PCDHGA4: variants seen among roughly 807,000 people sequenced by gnomAD.
PCDHGA4 encodes protocadherin gamma subfamily A, 4.
A neutral mutation model predicts 54.6 loss-of-function variants in PCDHGA4; 38 were observed. The ratio of observed to expected loss-of-function variants is 0.70; its 90% CI spans 0.54 to 0.91. PCDHGA4 has a LOEUF of 0.91. Among genes scored for constraint, PCDHGA4 ranks in the 40% least tolerant of loss-of-function variants. The pLI, the probability that PCDHGA4 is intolerant of heterozygous loss-of-function variation, is 0.00. For missense variants in PCDHGA4, 1,298 were observed against 1,220.9 expected, an observed-to-expected ratio of 1.06 and a Z score of -0.94; for synonymous variants, 511 against 512.9, an observed-to-expected ratio of 1.00 and a Z score of 0.05.
intron 1 of PCDHGA4, chr5:141,402,866 T>A (rs1339290452): frequency 4.2e-6 from 6 of 1,442,196 alleles, no homozygotes; most frequent in Non-Finnish European, 5.5e-6. Context: ...AAGGAAAAGA[T>A]CACCATACTT....
rs746487145 is a variant in PCDHGA4 at position 141,505,415 on chromosome 5, G to A, written c.2596G>A (p.Gly866Ser). 7.4e-6 allele frequency: 12 copies of A among 1,614,074 alleles called. No individual in the cohort carries two copies. The East Asian group carries it at 1.3e-4, about 18-fold the overall frequency. Residue 866 changes from glycine to serine, a missense_variant, in exon 3 of 4, where the codon GGC (glycine) becomes AGC (serine). Gly to Ser is a moderately conservative substitution (Grantham distance 56, BLOSUM62 0). Coordinates refer to ENST00000571252, the MANE Select transcript of PCDHGA4 (RefSeq NM_018917.4). ...CAGCTCCCAAAATGGCGATGACACC[G>A]GCACCTGGCCCAACAACCAGTTTGA... ...TSGSQNGDDT[G>S]TWPNNQFDTE...
chr5:141,506,834 C>T (rs2099856597), intron 3 of PCDHGA4, among the ~76,000 whole-genome samples: 1 of 152,140 alleles, frequency 6.6e-6, no homozygotes, highest in Non-Finnish European at 1.5e-5. Flanking sequence ...ACTGATAGCC[C>T]TGCCCTCCAG....
rs192995605 is a variant in PCDHGA4 at position 141,395,094 on chromosome 5, G to C, written c.2514+37473G>C. 2.2e-4 allele frequency: 348 copies of C among 1,614,160 alleles called. 5 individuals carry two copies. The East Asian group carries it at 7.6e-3, about 35-fold the overall frequency. ...CTATTCCCAGGAAGTCTCCCTCACC[G>C]CCGACTCGCGGAAGAGTCACCTGAT... On this transcript the variant is annotated intron_variant, in intron 1 of 3. Transcript: ENST00000571252.
At chr5:141,412,163 T>G (rs1005929326) in intron 1 of PCDHGA4, 13 of 152,240 alleles carry the variant, frequency 8.5e-5, no homozygotes, top group African/African-American at 2.9e-4. Flanking sequence ...GAGAAGAGAT[T>G]ATTTATACTG....
chr5:141,429,105 C>A (rs936114624), intron 1 of PCDHGA4: 2 of 152,318 alleles, frequency 1.3e-5, no homozygotes, highest in African/African-American at 4.8e-5. Flanking sequence ...CTGCCCGCCT[C>A]GGCCTCCCAA....
At chr5:141,415,347 C>G in intron 1 of PCDHGA4, 1 of 1,614,238 alleles carries the variant, frequency 6.2e-7, no homozygotes, top group South Asian at 1.1e-5. Flanking sequence ...GGCGCTGGCA[C>G]AAGTCACGCC....
intron 1 of PCDHGA4, chr5:141,442,134 AG>A (rs1365375748): frequency 6.1e-6 from 1 of 163,744 alleles, no homozygotes; most frequent in African/African-American, 2.4e-5. Context: ...AGCCTGCAGG[AG>A]ACTCTGCCAG....
chr5:141,436,277 T>G (rs2097806022), intron 1 of PCDHGA4, among the ~76,000 whole-genome samples: 1 of 152,194 alleles, frequency 6.6e-6, no homozygotes, highest in Non-Finnish European at 1.5e-5. Flanking sequence ...TAACTTGATT[T>G]AGGAACAAAT....
chr5:141,366,754 T>G (rs752520997), intron 1 of PCDHGA4: 1 of 1,607,154 alleles, frequency 6.2e-7, no homozygotes. Context: ...GAGTTCAGGT[T>G]AGTTTTCTCT....
chr5:141,477,168 A>C lies in PCDHGA4; in HGVS notation c.2515-17639A>C, dbSNP rs763187246. 1 of 1,614,210 alleles carries C rather than the reference A, an allele frequency of 6.2e-7. No homozygotes were observed. The highest frequency in any genetic ancestry group is 8.5e-7 in the Non-Finnish European group (1 of 1,180,040). On this transcript the variant is annotated intron_variant, in intron 1 of 3. Transcript: ENST00000571252. This position sits in a 1 kb window ranked among gnomAD's most constrained non-coding sequence, Gnocchi z 4.9. ...GTGGATGTGAATGACAACGCCCCGG[A>C]GATCACAGTCACCTCCGTGTACAGC...
At chr5:141,454,796 ATTTTTTT>A (rs61612330) in intron 1 of PCDHGA4, among the ~76,000 whole-genome samples, 2,943 of 77,244 alleles carry the variant, frequency 0.038, 52 homozygotes, top group African/African-American at 0.09. Context: ...CATGGTTCTA[ATTTTTTT>A]TTTTTTTTTT....
Position 141,487,397 on chromosome 5 carries a change from G to A in PCDHGA4, c.2515-7410G>A. 1 of 1,614,062 alleles carries A rather than the reference G, an allele frequency of 6.2e-7. No homozygotes were observed. Among genetic ancestry groups the A allele is most frequent in the Middle Eastern group, 1.6e-4 (1 of 6,062 alleles). Reference sequence around the variant, plus strand: ...TCTCACCAGATCTCGAAGGAGGGAGGGGCTTCCCCCTTCCAATGGGATCCT... The same window carrying A: ...TCTCACCAGATCTCGAAGGAGGGAGAGGCTTCCCCCTTCCAATGGGATCCT... On this transcript the variant is annotated intron_variant, in intron 1 of 3. Coordinates refer to ENST00000571252, the MANE Select transcript of PCDHGA4 (RefSeq NM_018917.4). This position sits in a 1 kb window ranked among gnomAD's most constrained non-coding sequence, Gnocchi z 5.0.
intron 1 of PCDHGA4, among the ~76,000 whole-genome samples, chr5:141,406,775 CACTT>C (rs2094850405): frequency 6.6e-6 from 1 of 152,200 alleles, no homozygotes; most frequent in Non-Finnish European, 1.5e-5. Context: ...ATATTTCTCT[CACTT>C]ATATATTATT....
chr5:141,417,732 C>T (rs2096153715), intron 1 of PCDHGA4: 4 of 1,390,342 alleles, frequency 2.9e-6, no homozygotes, highest in Admixed American at 2.8e-5. Context: ...AGACCTTGCC[C>T]AGCACACCAG....
At chr5:141,375,581 C>A in intron 1 of PCDHGA4, 2 of 1,614,174 alleles carry the variant, frequency 1.2e-6, no homozygotes, top group Non-Finnish European at 8.5e-7. Context: ...CCAGGGGGCG[C>A]CCCTGTCCTC....
At chr5:141,372,826 C>G in intron 1 of PCDHGA4, 1 of 1,554,742 alleles carries the variant, frequency 6.4e-7, no homozygotes, top group Middle Eastern at 1.7e-4. Flanking sequence ...TTCTTCAAAC[C>G]TTTCCTTCCA....
At chr5:141,363,977 G>A (rs1763129841) in intron 1 of PCDHGA4, among the ~76,000 whole-genome samples, 1 of 152,178 alleles carries the variant, frequency 6.6e-6, no homozygotes, top group African/African-American at 2.4e-5. Flanking sequence ...TTGCTATTCA[G>A]AATTAAAGCT....
intron 1 of PCDHGA4, chr5:141,365,072 A>G: frequency 6.2e-7 from 1 of 1,613,904 alleles, no homozygotes; most frequent in Middle Eastern, 1.6e-4. Context: ...ATCCGAGTAC[A>G]GCGTGAGTGT....
Position 141,477,540 on chromosome 5 carries a change from C to T in PCDHGA4, c.2515-17267C>T, listed in dbSNP as rs777796922. On this transcript the variant is annotated intron_variant, in intron 1 of 3. Coordinates refer to ENST00000571252, the MANE Select transcript of PCDHGA4 (RefSeq NM_018917.4). The surrounding 1 kb of genome is among the most constrained non-coding windows in gnomAD (Gnocchi z 4.9). Reference sequence around the variant, plus strand: ...GAAGAAAACAACCTCCCCGGGGCTCCAATACTAAACCTAAGTGTCTGGGAC... The same window carrying T: ...GAAGAAAACAACCTCCCCGGGGCTCTAATACTAAACCTAAGTGTCTGGGAC... The T allele has an allele frequency of 6.8e-6, 11 of 1,614,036 alleles. 1 individual carries two copies. Among genetic ancestry groups the T allele is most frequent in the African/African-American group, 2.7e-5 (2 of 74,920 alleles).
Sources: allele counts gnomAD v4.1 joint callset (sites outside exome capture counted in the v4.1 genomes callset), GRCh38; gene constraint gnomAD v4.1.1; non-coding constraint Gnocchi (gnomAD v3.1); transcripts MANE v1.5; gene names NCBI Gene and HGNC (gene_info 2026-07-23, HGNC 2026-07-21).